The following DTD1 variants were observed in gnomAD, a reference collection of about 807,000 sequenced individuals.
DTD1 encodes D-tyrosyl-tRNA deacylase 1 homolog.
A neutral mutation model predicts 25.6 loss-of-function variants in DTD1; 13 were observed. The ratio of observed to expected loss-of-function variants is 0.51; its 90% confidence interval spans 0.33 to 0.81. The LOEUF is 0.81. DTD1 is among the 30% of genes least tolerant of loss of function. DTD1 has a pLI of 0.02. For synonymous variants in DTD1, 110 were observed against 103.6 expected (o/e 1.06, Z -0.37); for missense variants, 193 against 266.4 (o/e 0.72, Z 1.92).
intron 3 of DTD1, among the ~76,000 whole-genome samples, chr20:18,610,398 T>C (rs2060681657): frequency 6.6e-6 from 1 of 152,302 alleles, no homozygotes; most frequent in East Asian, 1.9e-4. Flanking sequence ...GCATACTTCT[T>C]GAAATAATGT....
At chr20:18,720,803 A>G (rs2061199787) in intron 4 of DTD1, among the ~76,000 whole-genome samples, 1 of 152,204 alleles carries the variant, frequency 6.6e-6, no homozygotes, top group South Asian at 2.1e-4. Context: ...AGCTGCAGTG[A>G]GCCGAGATCA....
At chr20:18,690,136 T>TAAAAA (rs74180929) in intron 4 of DTD1, among the ~76,000 whole-genome samples, 1 of 129,864 alleles carries the variant, frequency 7.7e-6, no homozygotes, top group Non-Finnish European at 1.6e-5. Context: ...ACCCTGTCTC[T>TAAAAA]AAAAAAAAAA....
chr20:18,740,386 T>C (rs6045579), intron 4 of DTD1, among the ~76,000 whole-genome samples: 21,886 of 152,132 alleles, frequency 0.14, 1,694 homozygotes, highest in Admixed American at 0.2. Flanking sequence ...TCTTGCTTTT[T>C]AAAAATTGTA....
chr20:18,656,761 T>A (rs2060893054), intron 4 of DTD1, among the ~76,000 whole-genome samples: 2 of 152,202 alleles, frequency 1.3e-5, no homozygotes, highest in Admixed American at 1.3e-4. Flanking sequence ...TCCACACGTG[T>A]CTCAGTACCT....
intron 5 of DTD1, among the ~76,000 whole-genome samples, chr20:18,756,466 C>T (rs2061339857): frequency 6.6e-6 from 1 of 152,162 alleles, no homozygotes; most frequent in Admixed American, 6.5e-5. Flanking sequence ...AGGAAGGGAT[C>T]CAGTTTCAGC....
chr20:18,718,854 T>C (rs1439765552), intron 4 of DTD1, among the ~76,000 whole-genome samples: 1 of 152,196 alleles, frequency 6.6e-6, no homozygotes, highest in Non-Finnish European at 1.5e-5. Flanking sequence ...GAGTTAGGCA[T>C]GTCAGGGGAG....
chr20:18,726,053 A>G (rs1418823780), intron 4 of DTD1, among the ~76,000 whole-genome samples: 1 of 152,232 alleles, frequency 6.6e-6, no homozygotes, highest in Non-Finnish European at 1.5e-5. Context: ...TTGTTATAGA[A>G]GAGGGAAGCC....
At chr20:18,733,322 C>T (rs2061245121) in intron 4 of DTD1, among the ~76,000 whole-genome samples, 1 of 152,206 alleles carries the variant, frequency 6.6e-6, no homozygotes, top group Admixed American at 6.5e-5. Context: ...CACAGGGTGT[C>T]CTTAAGCAGA....
At chr20:18,697,537 C>CT (rs2061082967) in intron 4 of DTD1, among the ~76,000 whole-genome samples, 1 of 152,112 alleles carries the variant, frequency 6.6e-6, no homozygotes, top group Non-Finnish European at 1.5e-5. Flanking sequence ...TTGAGCATCC[C>CT]TAATAGAAAC....
rs777739912 is a variant in DTD1, at chr20:18,622,412, A to G, written c.371-5715A>G. ...GACTGCAGGAAAAAGAGGTCCCTAC[A>G]TAGTCTTCTTAAAGAAGCAGGTTTC... On this transcript the variant is annotated intron_variant, in intron 3 of 5. Coordinates refer to ENST00000377452, the MANE Select transcript of DTD1 (RefSeq NM_080820.6). 7.0e-4 allele frequency among the ~76,000 whole-genome samples: 107 copies of G among 152,316 alleles called. 1 individual carries two copies. The highest frequency in any genetic ancestry group is 6.8e-3 in the Middle Eastern group (2 of 294).
intron 4 of DTD1, among the ~76,000 whole-genome samples, chr20:18,633,089 A>T (rs995638795): frequency 6.6e-6 from 1 of 152,228 alleles, no homozygotes; most frequent in Non-Finnish European, 1.5e-5. Flanking sequence ...TTACAAGACC[A>T]TTCAGTTTGT....
intron 3 of DTD1, among the ~76,000 whole-genome samples, chr20:18,608,850 T>C (rs1430062150): frequency 1.3e-5 from 2 of 152,220 alleles, no homozygotes; most frequent in South Asian, 2.1e-4. Flanking sequence ...AGGAGAACTG[T>C]GATTCTGTGA....
chr20:18,746,559 G>A (rs2061301511), intron 5 of DTD1, among the ~76,000 whole-genome samples: 1 of 152,090 alleles, frequency 6.6e-6, no homozygotes. Flanking sequence ...GCTGAGCATG[G>A]TGGTGCTTGC....
intron 4 of DTD1, among the ~76,000 whole-genome samples, chr20:18,681,106 C>T (rs766846704): frequency 6.6e-5 from 10 of 152,116 alleles, no homozygotes; most frequent in South Asian, 2.1e-4. Flanking sequence ...TGTGTTTCTA[C>T]GCCGGGTGAG....
chr20:18,620,677 C>T (rs949772637), intron 3 of DTD1, among the ~76,000 whole-genome samples: 1 of 152,098 alleles, frequency 6.6e-6, no homozygotes, highest in Non-Finnish European at 1.5e-5. Context: ...TCACTGTAGC[C>T]TTGAGCTCCT....
rs1226178582 is a variant in DTD1 at position 18,741,898 on chromosome 20, T to TTTG, written c.478-2200_478-2199insGTT. The stretch of plus-strand genomic sequence containing the variant: ...CCACCACGCCTGGCTAACCTTTGTA[T>TTTG]TTTTTTTTTTTTTTTTTTTTTGTAG... On this transcript the variant is annotated intron_variant, in intron 4 of 5. Transcript: ENST00000377452. 7.3e-4 allele frequency among the ~76,000 whole-genome samples: 3 copies of TTTG among 4,092 alleles called. 1 individual carries two copies. Among genetic ancestry groups the TTTG allele is most frequent in the South Asian group, 8.6e-3 (1 of 116 alleles). 2.7% of individuals were successfully genotyped at this position (4,092 alleles called of 152,430 possible).
intron 4 of DTD1, chr20:18,630,989 C>A (rs1168747802): frequency 1.1e-6 from 1 of 872,260 alleles, no homozygotes; most frequent in Non-Finnish European, 1.4e-6. Flanking sequence ...TGATACCAGC[C>A]TTATTACTTG....
At chr20:18,697,611 T>C (rs887615318) in intron 4 of DTD1, among the ~76,000 whole-genome samples, 12 of 152,230 alleles carry the variant, frequency 7.9e-5, no homozygotes, top group African/African-American at 2.7e-4. Flanking sequence ...ATCGTGTCTG[T>C]TCTCAAAAAA....
intron 2 of DTD1, among the ~76,000 whole-genome samples, chr20:18,594,619 G>A (rs2060602649): frequency 6.6e-6 from 1 of 152,106 alleles, no homozygotes; most frequent in Non-Finnish European, 1.5e-5. Flanking sequence ...TCAGAGCTTG[G>A]GTATAACCCT....
Sources: gnomAD v4.1 joint callset for allele counts (sites outside exome capture counted in the v4.1 genomes callset) on GRCh38, gnomAD v4.1.1 for gene constraint, MANE v1.5 for transcripts, NCBI Gene and HGNC (gene_info 2026-07-23, HGNC 2026-07-21) for gene names.